GABRB1: variants seen among roughly 807,000 people sequenced by gnomAD.
GABRB1 encodes gamma-aminobutyric acid type A receptor subunit beta1, also known as gamma-aminobutyric acid receptor subunit beta-1.
GABRB1 carries 17 observed loss-of-function variants against 51.6 expected under a neutral mutation model. The observed-to-expected ratio is 0.33, with a 90% CI of 0.23 to 0.49. The LOEUF (loss-of-function observed/expected upper bound fraction) is 0.49, where lower values mean the gene tolerates loss of function less well. Ranked by LOEUF, GABRB1 falls within the 20% of genes least tolerant of loss-of-function variation. The pLI, the probability that GABRB1 is intolerant of heterozygous loss-of-function variation, is 0.99. For missense variants in GABRB1, 410 were observed against 600.6 expected (o/e 0.68, Z 3.32); for synonymous variants, 247 against 218.9 (o/e 1.13, Z -1.14).
At chr4:47,032,904 C>T in intron 3 of GABRB1, 1 of 366,306 alleles carries the variant, frequency 2.7e-6, no homozygotes, top group East Asian at 7.3e-5. Flanking sequence ...TCCCCATGGC[C>T]CTCGCAGTCC....
intron 4 of GABRB1, among the ~76,000 whole-genome samples, chr4:47,198,058 G>T (rs1414835471): frequency 6.6e-6 from 1 of 152,130 alleles, no homozygotes; most frequent in African/African-American, 2.4e-5. Flanking sequence ...TTGCCTTGGG[G>T]TCAGGTATAT....
In GABRB1 at chr4:47,366,022, C is replaced by T. The variant is rs1044777218; in HGVS notation, c.545-37296C>T. ...GTGTGCCATCTGTTTCCTGCTGGGA[C>T]CCTGATTGACACAGTAGGTAAAAGT... On this transcript the variant is annotated intron_variant, in intron 5 of 8. Transcript: ENST00000295454. 3.9e-5 allele frequency among the ~76,000 whole-genome samples: 6 copies of T among 152,262 alleles called. No homozygotes were observed. In the South Asian group the frequency reaches 8.3e-4, roughly 21 times the overall value.
intron 1 of GABRB1, among the ~76,000 whole-genome samples, chr4:47,011,062 G>A (rs1385319510): frequency 2.0e-5 from 3 of 152,098 alleles, no homozygotes; most frequent in African/African-American, 7.2e-5. Context: ...GTGTGAATAA[G>A]TTTTAGTCAA....
At chr4:47,341,573 G>T (rs1384322814) in intron 5 of GABRB1, among the ~76,000 whole-genome samples, 7 of 152,114 alleles carry the variant, frequency 4.6e-5, no homozygotes, top group African/African-American at 1.7e-4. Context: ...ACTCAAATTA[G>T]TGTTCTTCTA....
intron 3 of GABRB1, among the ~76,000 whole-genome samples, chr4:47,130,160 T>C (rs1716345163): frequency 6.6e-6 from 1 of 152,180 alleles, no homozygotes; most frequent in Admixed American, 6.5e-5. Context: ...ATTTCCAAAA[T>C]GTAAGCTTGA....
chr4:47,272,198 A>G (rs1404534896), intron 4 of GABRB1, among the ~76,000 whole-genome samples: 2 of 152,162 alleles, frequency 1.3e-5, no homozygotes, highest in Admixed American at 1.3e-4. Flanking sequence ...GATTTTAATA[A>G]AAAGTGGCAA....
intron 4 of GABRB1, among the ~76,000 whole-genome samples, chr4:47,218,895 A>G (rs1269202669): frequency 6.6e-6 from 1 of 151,870 alleles, no homozygotes; most frequent in Non-Finnish European, 1.5e-5. Flanking sequence ...TCTACATCTA[A>G]GAATACATAG....
At chr4:47,298,367 G>C (rs376895706) in intron 4 of GABRB1, among the ~76,000 whole-genome samples, 2,422 of 152,292 alleles carry the variant, frequency 0.016, 29 homozygotes, top group Non-Finnish European at 0.028. Context: ...ATCTCCTTAA[G>C]CTGATAAGCA....
chr4:47,092,644 G>A (rs556541803), intron 3 of GABRB1, among the ~76,000 whole-genome samples: 27 of 148,914 alleles, frequency 1.8e-4, no homozygotes, highest in Admixed American at 4.7e-4. Flanking sequence ...TCACTCTGTC[G>A]CCCAGGTTGG....
chr4:47,365,266 T>C (rs1318867716), intron 5 of GABRB1, among the ~76,000 whole-genome samples: 1 of 152,246 alleles, frequency 6.6e-6, no homozygotes, highest in Non-Finnish European at 1.5e-5. Context: ...GCAGTTTAGA[T>C]ACAGTGAACC....
chr4:47,114,541 A>T (rs1715383753), intron 3 of GABRB1, among the ~76,000 whole-genome samples: 1 of 152,180 alleles, frequency 6.6e-6, no homozygotes, highest in Non-Finnish European at 1.5e-5. Context: ...TTTTGCATTC[A>T]TCTTCTTCAA....
At chr4:47,233,959 T>C (rs1434910556) in intron 4 of GABRB1, among the ~76,000 whole-genome samples, 3 of 152,196 alleles carry the variant, frequency 2.0e-5, no homozygotes, top group African/African-American at 7.2e-5. Flanking sequence ...CCTGAAACAG[T>C]CACTTCATGA....
At chr4:47,143,365 G>A (rs961640791) in intron 3 of GABRB1, among the ~76,000 whole-genome samples, 1 of 151,458 alleles carries the variant, frequency 6.6e-6, no homozygotes, top group African/African-American at 2.4e-5. Flanking sequence ...TTTCTTTCCC[G>A]GTATTATTTT....
intron 4 of GABRB1, among the ~76,000 whole-genome samples, chr4:47,314,902 T>C (rs1049506109): frequency 6.6e-6 from 1 of 151,924 alleles, no homozygotes; most frequent in African/African-American, 2.4e-5. Flanking sequence ...GATTAAAGAC[T>C]TAAATGTAAA....
chr4:47,404,094 A>G (rs1728488098), intron 7 of GABRB1, among the ~76,000 whole-genome samples: 1 of 152,220 alleles, frequency 6.6e-6, no homozygotes, highest in East Asian at 1.9e-4. Flanking sequence ...GGAGAAAGCT[A>G]AACCTTGTGA....
At chr4:47,247,402 A>C (rs1333587804) in intron 4 of GABRB1, among the ~76,000 whole-genome samples, 1 of 152,128 alleles carries the variant, frequency 6.6e-6, no homozygotes, top group African/African-American at 2.4e-5. Flanking sequence ...TACCAGTACC[A>C]TGCTGTTTTG....
intron 4 of GABRB1, among the ~76,000 whole-genome samples, chr4:47,270,247 A>T (rs1722819417): frequency 6.6e-6 from 1 of 152,174 alleles, no homozygotes; most frequent in Non-Finnish European, 1.5e-5. Flanking sequence ...TTACCTGTGC[A>T]TTATAAGCTA....
chr4:47,401,310 G>A lies in GABRB1; in HGVS notation c.545-2008G>A, dbSNP rs144281508. ...TGCTCTGTTGGTAGGAATGTAAATT[G>A]GCACAATATCTATGGAAAACAGTAT... On this transcript the variant is annotated intron_variant, in intron 5 of 8. Coordinates refer to ENST00000295454, the MANE Select transcript of GABRB1 (RefSeq NM_000812.4). Among the ~76,000 whole-genome samples the A allele has an allele frequency of 4.9e-3, 750 of 152,270 alleles. 7 individuals carry two copies. Among genetic ancestry groups the A allele is most frequent in the African/African-American group, 0.017 (686 of 41,562 alleles).
At chr4:47,108,908 C>G (rs758150490) in intron 3 of GABRB1, among the ~76,000 whole-genome samples, 14 of 152,034 alleles carry the variant, frequency 9.2e-5, no homozygotes, top group Non-Finnish European at 1.8e-4. Context: ...AGACATTAAG[C>G]TACTAGAGTA....
Sources: gnomAD v4.1 joint callset for allele counts (sites outside exome capture counted in the v4.1 genomes callset) on GRCh38, gnomAD v4.1.1 for gene constraint, MANE v1.5 for transcripts, NCBI Gene and HGNC (gene_info 2026-07-23, HGNC 2026-07-21) for gene names.